Variants in TMEM132D observed in about 807,000 individuals in gnomAD.
The protein encoded by TMEM132D is mature OL transmembrane protein.
TMEM132D carries 21 observed loss-of-function variants against 62.3 expected under a neutral mutation model. The ratio of observed to expected loss-of-function variants is 0.34; its 90% CI spans 0.24 to 0.49. The LOEUF (loss-of-function observed/expected upper bound fraction) is 0.49. Among genes scored for constraint, TMEM132D ranks in the 20% least tolerant of loss-of-function variants. The pLI, the probability that TMEM132D is intolerant of heterozygous loss-of-function variation, is 0.99. For missense variants in TMEM132D, 1,346 were observed against 1,402.8 expected, an observed-to-expected ratio of 0.96 and a Z score of 0.65; for synonymous variants, 621 against 575.6, an observed-to-expected ratio of 1.08 and a Z score of -1.13.
At chr12:129,168,201 C>T (rs913447623) in intron 5 of TMEM132D, among the ~76,000 whole-genome samples, 1 of 152,048 alleles carries the variant, frequency 6.6e-6, no homozygotes, top group Non-Finnish European at 1.5e-5. Context: ...ACTATGGTTT[C>T]CACTAAGGAG....
chr12:129,123,772 A>G (rs550605429), intron 5 of TMEM132D, among the ~76,000 whole-genome samples: 1 of 152,310 alleles, frequency 6.6e-6, no homozygotes, highest in East Asian at 1.9e-4. Context: ...TGGATAGAAC[A>G]CAAAGATGGA....
intron 2 of TMEM132D, among the ~76,000 whole-genome samples, chr12:129,672,227 C>T (rs1880516453): frequency 1.3e-5 from 2 of 152,212 alleles, no homozygotes; most frequent in African/African-American, 2.4e-5. Flanking sequence ...CATGTAGCCA[C>T]GTGACCACGT....
At chr12:129,583,208 G>A (rs567091411) in intron 2 of TMEM132D, among the ~76,000 whole-genome samples, 10 of 152,326 alleles carry the variant, frequency 6.6e-5, no homozygotes, top group South Asian at 4.1e-4. Flanking sequence ...TTCTTGGCAC[G>A]TGGTAAGCCT....
chr12:129,119,171 T>C (rs1875986363), intron 5 of TMEM132D, among the ~76,000 whole-genome samples: 1 of 152,268 alleles, frequency 6.6e-6, no homozygotes, highest in South Asian at 2.1e-4. Context: ...AACTTGGAAA[T>C]GGTTTTGACT....
At chr12:129,532,756 C>G (rs1229554597) in intron 2 of TMEM132D, among the ~76,000 whole-genome samples, 1 of 152,176 alleles carries the variant, frequency 6.6e-6, no homozygotes, top group African/African-American at 2.4e-5. Flanking sequence ...GCAGAGGGTG[C>G]CCCCATGAGC....
chr12:129,174,143 A>G (rs1359306778), intron 5 of TMEM132D, among the ~76,000 whole-genome samples: 1 of 152,214 alleles, frequency 6.6e-6, no homozygotes, highest in Non-Finnish European at 1.5e-5. Context: ...ATACATGTGC[A>G]GAACATGCAG....
intron 3 of TMEM132D, among the ~76,000 whole-genome samples, chr12:129,399,928 T>C (rs76540647): frequency 0.036 from 5,476 of 152,100 alleles, 156 homozygotes; most frequent in African/African-American, 0.083. Flanking sequence ...ATAATGAATA[T>C]TTATATTATA....
Position 129,889,242 on chromosome 12 carries a change from G to T in TMEM132D, c.79+14019C>A, listed in dbSNP as rs554838361. Among the ~76,000 whole-genome samples, 78 of 152,220 alleles carry T rather than the reference G, an allele frequency of 5.1e-4. No individual in the cohort carries two copies. In the South Asian group the frequency reaches 0.015, roughly 30 times the overall value. ...TGAACAAATACGTCTCCTTTTGACT[G>T]GTAGTGTTGACCAGATACCTATATG... is the stretch of plus-strand genomic sequence containing the variant. On this transcript the variant is annotated intron_variant, in intron 1 of 8. Coordinates refer to ENST00000422113, the MANE Select transcript of TMEM132D (RefSeq NM_133448.3).
At chr12:129,322,160 ATCCATACG>A (rs2135643876) in intron 4 of TMEM132D, among the ~76,000 whole-genome samples, 1 of 150,498 alleles carries the variant, frequency 6.6e-6, no homozygotes, top group South Asian at 2.1e-4. Context: ...TTTTCAATCT[ATCCATACG>A]TGGGACGAAT....
intron 3 of TMEM132D, among the ~76,000 whole-genome samples, chr12:129,360,886 G>A (rs1005974039): frequency 3.9e-5 from 6 of 152,206 alleles, no homozygotes; most frequent in African/African-American, 4.8e-5. Flanking sequence ...AGCCTGTGTC[G>A]CGACACATAA....
intron 4 of TMEM132D, among the ~76,000 whole-genome samples, chr12:129,262,999 G>A (rs1170853304): frequency 1.3e-5 from 2 of 152,138 alleles, no homozygotes; most frequent in Non-Finnish European, 2.9e-5. Context: ...TCCAACAATA[G>A]AGCAGACAGG....
chr12:129,311,985 A>C (rs1460102571), intron 4 of TMEM132D, among the ~76,000 whole-genome samples: 1 of 152,170 alleles, frequency 6.6e-6, no homozygotes, highest in East Asian at 1.9e-4. Context: ...AATTGTGTGC[A>C]ATGGTCTTCA....
At chr12:129,267,517 G>T (rs1429600007) in intron 4 of TMEM132D, among the ~76,000 whole-genome samples, 1 of 152,112 alleles carries the variant, frequency 6.6e-6, no homozygotes, top group Non-Finnish European at 1.5e-5. Flanking sequence ...ACAAACCACT[G>T]CTCAATGAAA....
intron 2 of TMEM132D, among the ~76,000 whole-genome samples, chr12:129,588,668 A>G (rs187840209): frequency 0.016 from 2,434 of 149,986 alleles, 35 homozygotes; most frequent in Non-Finnish European, 0.021. Flanking sequence ...TCCGCCTCCC[A>G]GGTTCACACC....
intron 2 of TMEM132D, among the ~76,000 whole-genome samples, chr12:129,577,002 C>G (rs761940317): frequency 1.9e-4 from 29 of 151,976 alleles, no homozygotes; most frequent in Non-Finnish European, 3.7e-4. Context: ...ACATCCCAAG[C>G]AGTTCACCTT....
chr12:129,075,096 A>C (rs544729213), intron 8 of TMEM132D, 37 bp from the exon 9 acceptor site: 1 of 1,549,898 alleles, frequency 6.5e-7, no homozygotes, highest in Non-Finnish European at 8.7e-7. Flanking sequence ...CAAATGGGCC[A>C]AAAAGCTCAT....
chr12:129,652,574 C>T (rs1879958600), intron 2 of TMEM132D, among the ~76,000 whole-genome samples: 1 of 152,118 alleles, frequency 6.6e-6, no homozygotes, highest in Non-Finnish European at 1.5e-5. Flanking sequence ...GAAGATGCCA[C>T]CCTGCTGGGT....
At chr12:129,537,309 C>T (rs1876426012) in intron 2 of TMEM132D, among the ~76,000 whole-genome samples, 1 of 151,996 alleles carries the variant, frequency 6.6e-6, no homozygotes, top group Admixed American at 6.6e-5. Flanking sequence ...TAAAAATAAT[C>T]AGTTGCCAAG....
intron 2 of TMEM132D, among the ~76,000 whole-genome samples, chr12:129,579,998 T>C (rs1287763336): frequency 2.6e-5 from 4 of 151,974 alleles, no homozygotes; most frequent in Non-Finnish European, 5.9e-5. Context: ...AGAGGGACAA[T>C]AAAGACAAGA....
Sources: allele counts gnomAD v4.1 joint callset (sites outside exome capture counted in the v4.1 genomes callset), GRCh38; gene constraint gnomAD v4.1.1; transcripts MANE v1.5; gene names NCBI Gene and HGNC (gene_info 2026-07-23, HGNC 2026-07-21).